CDIN1: variants seen among roughly 807,000 people sequenced by gnomAD.
CDIN1 encodes the protein CDAN1-interacting nuclease 1.
Under a neutral mutation model 45.3 loss-of-function variants are expected in CDIN1, and 33 were observed. That is an observed-to-expected ratio of 0.73 (90% CI 0.55 to 0.97). CDIN1 has a LOEUF of 0.97. CDIN1 is among the 50% of genes least tolerant of loss of function. The pLI is 0.00. For synonymous variants in CDIN1, 118 were observed against 124.4 expected (o/e 0.95, Z 0.34); for missense variants, 303 against 339.4 (o/e 0.89, Z 0.84).
chr15:36,747,029 G>C (rs1214577180), intron 10 of CDIN1: 2 of 397,880 alleles, frequency 5.0e-6, no homozygotes, highest in Non-Finnish European at 8.9e-6. Context: ...AATTACAGGA[G>C]CGAGGAAACA....
intron 10 of CDIN1, among the ~76,000 whole-genome samples, chr15:36,743,005 A>C (rs1441045670): frequency 6.6e-6 from 1 of 152,212 alleles, no homozygotes; most frequent in Non-Finnish European, 1.5e-5. Context: ...ACCTATTAAA[A>C]GGCAGACCAA....
At chr15:36,632,606 C>T (rs1307775563) in intron 1 of CDIN1, among the ~76,000 whole-genome samples, 1 of 152,184 alleles carries the variant, frequency 6.6e-6, no homozygotes, top group African/African-American at 2.4e-5. Context: ...CTCTGCATCT[C>T]ACACTTTGTG....
intron 10 of CDIN1, among the ~76,000 whole-genome samples, chr15:36,744,290 C>T (rs1412798351): frequency 1.3e-5 from 2 of 152,160 alleles, no homozygotes; most frequent in African/African-American, 4.8e-5. Context: ...AAATGTCAAC[C>T]AGCCACATTA....
chr15:36,786,403 A>T, intron 10 of CDIN1, among the ~76,000 whole-genome samples: 1 of 152,190 alleles, frequency 6.6e-6, no homozygotes. Flanking sequence ...TAGATTTTTT[A>T]ATCGTAGTTG....
At chr15:36,794,360 G>A (rs1233824979) in intron 10 of CDIN1, among the ~76,000 whole-genome samples, 1 of 152,074 alleles carries the variant, frequency 6.6e-6, no homozygotes, top group Non-Finnish European at 1.5e-5. Flanking sequence ...CTATTTTTAA[G>A]TGTACAGTCT....
intron 1 of CDIN1, among the ~76,000 whole-genome samples, chr15:36,629,019 G>A (rs578222021): frequency 6.6e-6 from 1 of 152,168 alleles, no homozygotes; most frequent in African/African-American, 2.4e-5. Context: ...CACAAGCTAA[G>A]GAATGCAGGC....
At chr15:36,788,091 T>C (rs1434598932) in intron 10 of CDIN1, among the ~76,000 whole-genome samples, 1 of 11,958 alleles carries the variant, frequency 8.4e-5, no homozygotes, top group Non-Finnish European at 1.9e-4. Context: ...TATATATATA[T>C]ATATATATAT....
At chr15:36,781,780 T>C (rs2141055717) in intron 10 of CDIN1, among the ~76,000 whole-genome samples, 1 of 152,288 alleles carries the variant, frequency 6.6e-6, no homozygotes, top group Middle Eastern at 3.4e-3. Flanking sequence ...TATCATAAGC[T>C]CAATGATCTC....
intron 5 of CDIN1, among the ~76,000 whole-genome samples, chr15:36,665,628 A>G (rs1396926482): frequency 6.6e-6 from 1 of 152,182 alleles, no homozygotes; most frequent in Non-Finnish European, 1.5e-5. Flanking sequence ...CAACCTGAAG[A>G]GACGCACAGA....
At chr15:36,805,434 T>G (rs1396551872) in intron 10 of CDIN1, among the ~76,000 whole-genome samples, 1 of 152,166 alleles carries the variant, frequency 6.6e-6, no homozygotes, top group Non-Finnish European at 1.5e-5. Flanking sequence ...TCTTTGATTT[T>G]TATTGGTCAC....
intron 5 of CDIN1, among the ~76,000 whole-genome samples, chr15:36,673,622 A>C (rs1442797535): frequency 6.6e-6 from 1 of 152,080 alleles, no homozygotes; most frequent in African/African-American, 2.4e-5. Context: ...CAAACCAGCC[A>C]GTATGCTTCT....
chr15:36,734,103 T>C (rs2043928695), intron 10 of CDIN1, among the ~76,000 whole-genome samples: 1 of 152,124 alleles, frequency 6.6e-6, no homozygotes. Context: ...GTGAGAATTA[T>C]AATGCATTGA....
chr15:36,714,679 A>G, intron 10 of CDIN1, among the ~76,000 whole-genome samples: 1 of 152,094 alleles, frequency 6.6e-6, no homozygotes, highest in East Asian at 1.9e-4. Context: ...CCTCAGCTCC[A>G]TCCTACACCT....
intron 8 of CDIN1, among the ~76,000 whole-genome samples, chr15:36,701,113 GATAGGTAGGTAGATAGA>G (rs1566912511): frequency 1.2e-5 from 1 of 83,654 alleles, no homozygotes; most frequent in African/African-American, 5.0e-5. Flanking sequence ...TAGATAGATA[GATAGGTAGGTAGATAGA>G]TAGATAGATA....
chr15:36,651,913 T>C (rs1443572498), intron 3 of CDIN1, among the ~76,000 whole-genome samples: 1 of 152,254 alleles, frequency 6.6e-6, no homozygotes. Context: ...TTAAACTTGA[T>C]AGAAGTTCTT....
intron 5 of CDIN1, among the ~76,000 whole-genome samples, chr15:36,669,556 T>G (rs749110807): frequency 4.3e-5 from 4 of 93,656 alleles, no homozygotes; most frequent in South Asian, 4.6e-4. Context: ...TGTGATACAT[T>G]TGTCAACACT....
intron 1 of CDIN1, among the ~76,000 whole-genome samples, chr15:36,639,331 C>G (rs891685221): frequency 6.6e-6 from 1 of 151,602 alleles, no homozygotes; most frequent in African/African-American, 2.4e-5. Context: ...CCAGGCCCAG[C>G]GTGGTGGCTC....
chr15:36,595,554 G>A (rs2037780747), intron 1 of CDIN1, among the ~76,000 whole-genome samples: 2 of 151,994 alleles, frequency 1.3e-5, no homozygotes. Flanking sequence ...CTAATAATTG[G>A]TTGAAACAAC....
intron 10 of CDIN1, among the ~76,000 whole-genome samples, chr15:36,752,780 C>G (rs2053508864): frequency 6.6e-6 from 1 of 152,138 alleles, no homozygotes; most frequent in Admixed American, 6.5e-5. Context: ...AGTTTGGCTT[C>G]TCACTGAGTT....
Sources: allele counts gnomAD v4.1 joint callset (sites outside exome capture counted in the v4.1 genomes callset), GRCh38; gene constraint gnomAD v4.1.1; transcripts MANE v1.5; gene names NCBI Gene and HGNC (gene_info 2026-07-23, HGNC 2026-07-21).